The following FBXO36 variants were observed in gnomAD, a reference collection of about 807,000 sequenced individuals.
FBXO36 encodes the protein F-box only protein 36.
In FBXO36, 18 loss-of-function variants were observed where a neutral mutation model predicts 17.0. The ratio of observed to expected loss-of-function variants is 1.06; its 90% CI spans 0.73 to 1.57. FBXO36 has a LOEUF of 1.57. Among genes scored for constraint, FBXO36 ranks in the 40% most tolerant of loss-of-function variants. The pLI is 0.00. For synonymous variants in FBXO36, 83 were observed against 85.3 expected (o/e 0.97, Z 0.15); for missense variants, 229 against 221.9 (o/e 1.03, Z -0.20).
In FBXO36 at chr2:230,005,161, G is replaced by A. The variant is rs1012182417; in HGVS notation, c.379-5535G>A. On this transcript the variant is annotated intron_variant, in intron 3 of 3. Coordinates refer to ENST00000283946, the MANE Select transcript of FBXO36 (RefSeq NM_174899.5). ...GTGTCACCCAGGCAGGAGTGTGGTG[G>A]CATAAACACAGCTCACTGCAGCCTT... 4.6e-5 allele frequency among the ~76,000 whole-genome samples: 7 copies of A among 152,048 alleles called. No homozygotes were observed. In the South Asian group the frequency reaches 1.5e-3, roughly 32 times the overall value.
chr2:229,938,303 C>A (rs2076977026), intron 1 of FBXO36, among the ~76,000 whole-genome samples: 1 of 146,812 alleles, frequency 6.8e-6, no homozygotes, highest in African/African-American at 2.5e-5. Context: ...CTCACCGCAC[C>A]CTCCGCCTCC....
intron 3 of FBXO36, among the ~76,000 whole-genome samples, chr2:230,003,129 G>C (rs1186528264): frequency 6.8e-6 from 1 of 148,138 alleles, no homozygotes; most frequent in Non-Finnish European, 1.5e-5. Context: ...AGAATCGCTT[G>C]AACCCAGGAG....
Position 230,011,111 on chromosome 2 carries a change from G to A in FBXO36, c.*227G>A. ...AAATCATGGCCCGAGGACAAGGGCT[G>A]TAAGACAGGGAGCCCCATAGGCCAT... On this transcript the variant is annotated 3_prime_UTR_variant, in exon 4 of 4. Coordinates refer to ENST00000283946, the MANE Select transcript of FBXO36 (RefSeq NM_174899.5). The A allele has an allele frequency of 4.2e-6, 2 of 476,758 alleles. No homozygotes were observed. Among genetic ancestry groups the A allele is most frequent in the South Asian group, 3.1e-5 (1 of 32,582 alleles). The allele number at this position is 476,758 out of a possible 1,614,324, so 29.5% of individuals were successfully genotyped here. A position where few individuals can be genotyped will look rare whatever the true frequency, so the allele number is the denominator to read the frequency against.
intron 1 of FBXO36, among the ~76,000 whole-genome samples, chr2:229,924,598 C>A (rs2076895477): frequency 6.6e-6 from 1 of 152,074 alleles, no homozygotes; most frequent in Non-Finnish European, 1.5e-5. Flanking sequence ...TGCTTCATTT[C>A]TCTCATTTGT....
chr2:229,944,754 G>A (rs907798394), intron 1 of FBXO36, among the ~76,000 whole-genome samples: 43 of 151,740 alleles, frequency 2.8e-4, no homozygotes, highest in African/African-American at 9.9e-4. Context: ...CACCACGCCC[G>A]GCTAATTTTT....
intron 1 of FBXO36, chr2:229,939,298 C>G: frequency 3.1e-6 from 3 of 980,942 alleles, no homozygotes; most frequent in Non-Finnish European, 3.6e-6. Context: ...TGCACATTTT[C>G]TTGCCCTATT....
chr2:229,974,828 C>T (rs564464765), intron 1 of FBXO36, among the ~76,000 whole-genome samples: 66 of 152,294 alleles, frequency 4.3e-4, no homozygotes, highest in Non-Finnish European at 8.8e-4. Context: ...GCCATTTCTA[C>T]TGCAGTGCTT....
chr2:229,923,209 T>C (rs2076831593), intron 1 of FBXO36: 1 of 152,020 alleles, frequency 6.6e-6, no homozygotes, highest in Non-Finnish European at 1.5e-5. Context: ...ATGTTTCAGC[T>C]GCTCTGCGCT....
intron 1 of FBXO36, among the ~76,000 whole-genome samples, chr2:229,939,874 G>C (rs1176578203): frequency 6.6e-6 from 1 of 152,134 alleles, no homozygotes; most frequent in Non-Finnish European, 1.5e-5. Context: ...CCGAGGTCGG[G>C]AGTTTGAGAC....
At chr2:229,961,153 A>G (rs991930138) in intron 1 of FBXO36, among the ~76,000 whole-genome samples, 1 of 152,092 alleles carries the variant, frequency 6.6e-6, no homozygotes, top group African/African-American at 2.4e-5. Context: ...ATGGCTTATC[A>G]TGTTAATACT....
At chr2:229,986,005 C>A (rs1030901053) in intron 2 of FBXO36, among the ~76,000 whole-genome samples, 1 of 152,176 alleles carries the variant, frequency 6.6e-6, no homozygotes, top group Middle Eastern at 3.4e-3. Flanking sequence ...CATGATTGTG[C>A]CACTATACTC....
rs149554093 is a variant in FBXO36 at position 230,000,244 on chromosome 2, G to C, written c.378+3321G>C. ...CTGGTGGCACAGGCCTGTAATCCCAGGTAGTTGGGAGGCTGAGGCAGGATT... is the reference window on the plus strand; with the variant it reads ...CTGGTGGCACAGGCCTGTAATCCCACGTAGTTGGGAGGCTGAGGCAGGATT... On this transcript the variant is annotated intron_variant, in intron 3 of 3. Transcript: ENST00000283946. Among the ~76,000 whole-genome samples, 940 of 151,410 alleles carry C rather than the reference G, an allele frequency of 6.2e-3. 10 individuals carry two copies. The highest frequency in any genetic ancestry group is 0.02 in the African/African-American group (842 of 41,312).
chr2:229,958,417 C>T (rs1229221478), intron 1 of FBXO36, among the ~76,000 whole-genome samples: 2 of 151,844 alleles, frequency 1.3e-5, no homozygotes, highest in Admixed American at 1.3e-4. Context: ...ACTACAGGCG[C>T]CCGCCACGGC....
At chr2:229,924,562 C>T (rs532454436) in intron 1 of FBXO36, among the ~76,000 whole-genome samples, 2 of 152,006 alleles carry the variant, frequency 1.3e-5, no homozygotes, top group African/African-American at 4.8e-5. Context: ...TTTTCTTTCC[C>T]CTGAAGGTCT....
intron 3 of FBXO36, among the ~76,000 whole-genome samples, chr2:229,999,163 G>A (rs966748939): frequency 8.7e-6 from 1 of 115,480 alleles, no homozygotes; most frequent in African/African-American, 3.3e-5. Context: ...GTCTTTCTCT[G>A]TCGCCCAGGC....
At chr2:229,933,203 G>A (rs545341400) in intron 1 of FBXO36, among the ~76,000 whole-genome samples, 5 of 152,102 alleles carry the variant, frequency 3.3e-5, no homozygotes, top group Non-Finnish European at 5.9e-5. Context: ...GAGCAGCCTT[G>A]CCAACATGGT....
intron 3 of FBXO36, among the ~76,000 whole-genome samples, chr2:230,009,606 A>G (rs2077404320): frequency 6.6e-6 from 1 of 152,192 alleles, no homozygotes; most frequent in Non-Finnish European, 1.5e-5. Context: ...AGTGCTGGCT[A>G]AAGACAGACA....
At chr2:229,931,663 A>G (rs796666075) in intron 1 of FBXO36, among the ~76,000 whole-genome samples, 2 of 152,056 alleles carry the variant, frequency 1.3e-5, no homozygotes, top group African/African-American at 4.8e-5. Flanking sequence ...GCATGGTGAA[A>G]CCCCGTCTCT....
intron 1 of FBXO36, among the ~76,000 whole-genome samples, chr2:229,938,205 G>A (rs1389507093): frequency 2.1e-5 from 3 of 140,324 alleles, no homozygotes; most frequent in Non-Finnish European, 4.6e-5. Context: ...GGATTGGTTA[G>A]ATACAACTTT....
Sources: allele counts gnomAD v4.1 joint callset (sites outside exome capture counted in the v4.1 genomes callset), GRCh38; gene constraint gnomAD v4.1.1; transcripts MANE v1.5; gene names NCBI Gene and HGNC (gene_info 2026-07-23, HGNC 2026-07-21).